Variants in CDH23 observed in about 807,000 individuals in gnomAD.
CDH23 encodes cadherin related 23.
A neutral mutation model predicts 317.1 loss-of-function variants in CDH23; 189 were observed. That is an observed-to-expected ratio of 0.60 (90% CI 0.53 to 0.67). The LOEUF is 0.67. Among genes scored for constraint, CDH23 ranks in the 30% least tolerant of loss-of-function variants. The pLI, the probability that CDH23 is intolerant of heterozygous loss-of-function variation, is 0.00. For synonymous variants in CDH23, 1,839 were observed against 1,876.8 expected (o/e 0.98, Z 0.52); for missense variants, 4,401 against 4,592.4 (o/e 0.96, Z 1.20).
At chr10:71,594,306 C>T (rs1859693774) in intron 9 of CDH23, among the ~76,000 whole-genome samples, 1 of 151,474 alleles carries the variant, frequency 6.6e-6, no homozygotes, top group African/African-American at 2.4e-5. Context: ...TTTCTTTCTT[C>T]CTTTCTTTCT....
chr10:71,747,569 C>A (rs1839882262), intron 38 of CDH23: 1 of 152,274 alleles, frequency 6.6e-6, no homozygotes, highest in African/African-American at 2.4e-5. Flanking sequence ...AGTCGTAGTT[C>A]CACCGTTTAC....
chr10:71,661,248 A>C (rs1589306714), intron 14 of CDH23, among the ~76,000 whole-genome samples: 1 of 152,068 alleles, frequency 6.6e-6, no homozygotes, highest in South Asian at 2.1e-4. Flanking sequence ...ATACAAGCTG[A>C]CCCAGGCCCA....
At chr10:71,732,517 AG>A in intron 32 of CDH23, 142 bp downstream of exon 32, 1 of 1,363,998 alleles carries the variant, frequency 7.3e-7, no homozygotes, top group Non-Finnish European at 9.9e-7. Flanking sequence ...CTGTAGTCCC[AG>A]CTGCTTGAGA....
chr10:71,586,113 T>G (rs4747169), intron 9 of CDH23, among the ~76,000 whole-genome samples: 3 of 151,974 alleles, frequency 2.0e-5, no homozygotes, highest in Admixed American at 6.6e-5. Context: ...CTGCACGGGC[T>G]CTTTTTATTG....
intron 38 of CDH23, among the ~76,000 whole-genome samples, chr10:71,772,800 G>C (rs1177426006): frequency 2.6e-5 from 4 of 152,172 alleles, no homozygotes; most frequent in Non-Finnish European, 5.9e-5. Context: ...TTAGAATAGG[G>C]ACCAGGTGGG....
At chr10:71,772,514 G>C (rs570232303) in intron 38 of CDH23, among the ~76,000 whole-genome samples, 75 of 152,366 alleles carry the variant, frequency 4.9e-4, no homozygotes, top group Non-Finnish European at 7.8e-4. Context: ...CCCCAGCCCG[G>C]GAGCCCCTGT....
chr10:71,564,494 G>A (rs538841811), intron 6 of CDH23, among the ~76,000 whole-genome samples: 12 of 152,366 alleles, frequency 7.9e-5, no homozygotes, highest in East Asian at 7.7e-4. Flanking sequence ...AAGGTCAGAC[G>A]TGGAGACCAT....
At chr10:71,541,285 C>T (rs773512447) in intron 6 of CDH23, among the ~76,000 whole-genome samples, 38 of 152,312 alleles carry the variant, frequency 2.5e-4, no homozygotes, top group South Asian at 8.3e-4. Flanking sequence ...AGCAATTACC[C>T]GCTCTGATTC....
intron 41 of CDH23, among the ~76,000 whole-genome samples, 180 bp from the exon 42 acceptor site, chr10:71,784,107 C>T (rs974459436): frequency 2.6e-5 from 4 of 152,208 alleles, no homozygotes; most frequent in Admixed American, 2.6e-4. Flanking sequence ...CACCCACCTG[C>T]ACATCCCAGC....
intron 50 of CDH23, 51 bp downstream of exon 50, chr10:71,798,629 G>A (rs1185143281): frequency 7.0e-7 from 1 of 1,420,162 alleles, no homozygotes; most frequent in East Asian, 2.5e-5. Context: ...ATCTCTGCTT[G>A]CTTAGTCCCC....
At position 71,741,863 on chromosome 10, in the gene CDH23, G is replaced by A. The variant is rs553571175; in HGVS notation, c.4787G>A (p.Arg1596His). ...CGGCCTGCCCCGCCTGACCGCGAGC[G>A]CCAGAGCTTCTACCACCTGGTGGCC... ...ATRPAPPDRE[R>H]QSFYHLVATV... is the part of the protein sequence containing the mutation. Residue 1596 changes from arginine to histidine, a missense_variant, in exon 38 of 70, where the codon CGC (arginine) becomes CAC (histidine). Around this residue, in one of 3 missense-constraint regions of CDH23, gnomAD observed 3,068 missense variants for 3,203.3 expected, o/e 0.96. Transcript: ENST00000224721. The A allele has an allele frequency of 2.1e-5, 34 of 1,610,668 alleles. No homozygotes were observed. The highest frequency in any genetic ancestry group is 4.0e-5 in the African/African-American group (3 of 75,016).
At chr10:71,726,505 A>G (rs758151631) in intron 30 of CDH23, among the ~76,000 whole-genome samples, 9 of 152,142 alleles carry the variant, frequency 5.9e-5, no homozygotes, top group Non-Finnish European at 1.0e-4. Flanking sequence ...GCTTTGCCCC[A>G]AGAAGAGCTG....
chr10:71,660,669 T>G (rs1228111016), intron 14 of CDH23, among the ~76,000 whole-genome samples: 1 of 152,054 alleles, frequency 6.6e-6, no homozygotes, highest in East Asian at 1.9e-4. Context: ...ATTTAGCATT[T>G]TTAGCCAGGT....
At chr10:71,720,206 G>A (rs962199268) in intron 28 of CDH23, among the ~76,000 whole-genome samples, 15 of 152,168 alleles carry the variant, frequency 9.9e-5, no homozygotes, top group South Asian at 2.1e-4. Flanking sequence ...CTCCTGCAGC[G>A]TCCCTGGGCC....
intron 1 of CDH23, among the ~76,000 whole-genome samples, chr10:71,412,480 TTTA>T (rs1371708975): frequency 2.0e-5 from 3 of 152,200 alleles, no homozygotes; most frequent in Non-Finnish European, 4.4e-5. Flanking sequence ...ATTATTTTAT[TTTA>T]TTTTTCAGAG....
chr10:71,497,627 T>C (rs1226492994), intron 3 of CDH23, among the ~76,000 whole-genome samples: 1 of 152,202 alleles, frequency 6.6e-6, no homozygotes, highest in Non-Finnish European at 1.5e-5. Context: ...TGCCTGTCTA[T>C]CCTCCGCTGC....
At chr10:71,557,560 C>T (rs1211817475) in intron 6 of CDH23, among the ~76,000 whole-genome samples, 2 of 152,186 alleles carry the variant, frequency 1.3e-5, no homozygotes, top group Non-Finnish European at 2.9e-5. Context: ...TCTTGAAGTA[C>T]ACTCTTCAGT....
Position 71,815,148 on chromosome 10 carries a change from T to C in CDH23, c.9935T>C (p.Leu3312Pro), listed in dbSNP as rs371764852. 3 of 1,611,530 alleles carry C rather than the reference T, an allele frequency of 1.9e-6. No homozygotes were observed. Among genetic ancestry groups the C allele is most frequent in the South Asian group, 1.1e-5 (1 of 90,838 alleles). Residue 3312 changes from leucine to proline, a missense_variant, in exon 70 of 70, where the codon CTG becomes CCG. Leu to Pro is a moderately conservative substitution (Grantham distance 98, BLOSUM62 -3). This residue lies in a region of CDH23 where 1,144 missense variants were observed against 1,138.2 expected (regional missense o/e 1.01). Coordinates refer to ENST00000224721, the MANE Select transcript of CDH23 (RefSeq NM_022124.6). ...EEDQKGLGRS[L>P]ETLTAAEATA... ...GACCAGAAGGGCCTGGGCCGCTCGCTGGAGACGCTGACCGCTGCCGAGGCC... is the reference window on the plus strand; with the variant it reads ...GACCAGAAGGGCCTGGGCCGCTCGCCGGAGACGCTGACCGCTGCCGAGGCC...
At chr10:71,609,881 TCTG>T (rs1860756246) in intron 9 of CDH23, among the ~76,000 whole-genome samples, 1 of 152,090 alleles carries the variant, frequency 6.6e-6, no homozygotes, top group African/African-American at 2.4e-5. Flanking sequence ...ACATGGACAT[TCTG>T]CTGCTATGTA....
Sources: gnomAD v4.1 joint callset for allele counts (sites outside exome capture counted in the v4.1 genomes callset) on GRCh38, gnomAD v4.1.1 for gene constraint, gnomAD v4.1.1 regional missense constraint, MANE v1.5 for transcripts, NCBI Gene and HGNC (gene_info 2026-07-23, HGNC 2026-07-21) for gene names.